MED12L: variants seen among roughly 807,000 people sequenced by gnomAD.
The protein encoded by MED12L is mediator of RNA polymerase II transcription subunit 12-like protein.
In MED12L, 60 loss-of-function variants were observed where a neutral mutation model predicts 281.3. That is an observed-to-expected ratio of 0.21 (90% CI 0.17 to 0.26). The LOEUF (loss-of-function observed/expected upper bound fraction) is 0.26. MED12L is among the 10% of genes least tolerant of loss of function. The pLI is 1.00. For synonymous variants in MED12L, 974 were observed against 987.2 expected, an observed-to-expected ratio of 0.99 and a Z score of 0.25; for missense variants, 2,146 against 2,680.9, an observed-to-expected ratio of 0.80 and a Z score of 4.41.
intron 11 of MED12L, among the ~76,000 whole-genome samples, chr3:151,173,587 A>G (rs894477968): frequency 1.3e-5 from 2 of 152,244 alleles, no homozygotes; most frequent in Non-Finnish European, 2.9e-5. Context: ...ATAGTAAACA[A>G]TATTTTAATT....
At position 151,205,614 on chromosome 3, in the gene MED12L, A is replaced by T. The variant is rs117034205; in HGVS notation, c.2250+11948A>T. On this transcript the variant is annotated intron_variant, in intron 16 of 44. Transcript: ENST00000687756. Reference sequence around the variant, plus strand: ...GGTGGTCACTGCCACAGCCGGGCACAGGTCTGAGGACTTGTTTTTGTTAAA... The same window carrying T: ...GGTGGTCACTGCCACAGCCGGGCACTGGTCTGAGGACTTGTTTTTGTTAAA... Among the ~76,000 whole-genome samples, 3 of 152,310 alleles carry T rather than the reference A, an allele frequency of 2.0e-5. No individual in the cohort carries two copies. The East Asian group carries it at 5.8e-4, about 29-fold the overall frequency.
At chr3:151,314,434 A>C (rs1268657230) in intron 16 of MED12L, among the ~76,000 whole-genome samples, 1 of 152,164 alleles carries the variant, frequency 6.6e-6, no homozygotes, top group African/African-American at 2.4e-5. Context: ...TCTAGTTTTT[A>C]ACAGCAGGGT....
intron 7 of MED12L, 54 bp from the exon 8 acceptor site, chr3:151,159,778 T>G: frequency 6.6e-7 from 1 of 1,512,516 alleles, no homozygotes; most frequent in Non-Finnish European, 8.9e-7. Context: ...AAAATAGTTA[T>G]TTAACCAAGA....
chr3:151,164,206 A>C (rs1279433329), intron 9 of MED12L, among the ~76,000 whole-genome samples, 164 bp downstream of exon 9: 1 of 152,204 alleles, frequency 6.6e-6, no homozygotes, highest in African/African-American at 2.4e-5. Flanking sequence ...CCTCTTCAGA[A>C]CCACTGAAAT....
chr3:151,293,620 G>GACACACCCTCTACCT (rs1744588497), intron 16 of MED12L, among the ~76,000 whole-genome samples: 1 of 24,158 alleles, frequency 4.1e-5, no homozygotes, highest in Non-Finnish European at 8.5e-5. Context: ...CACACACACG[G>GACACACCCTCTACCT]TCCTAAAATG....
chr3:151,132,213 A>G (rs2148821821), intron 5 of MED12L, among the ~76,000 whole-genome samples: 1 of 152,330 alleles, frequency 6.6e-6, no homozygotes, highest in East Asian at 1.9e-4. Context: ...CTACCATCTC[A>G]GAGGGAGCTT....
intron 5 of MED12L, 42 bp from the exon 6 acceptor site, chr3:151,156,119 A>G: frequency 6.7e-7 from 1 of 1,503,736 alleles, no homozygotes; most frequent in Non-Finnish European, 9.0e-7. Context: ...TCTTGTACCC[A>G]TTGTGTCTAG....
intron 5 of MED12L, among the ~76,000 whole-genome samples, chr3:151,140,236 C>G (rs980686075): frequency 2.0e-5 from 3 of 152,168 alleles, no homozygotes; most frequent in Admixed American, 2.0e-4. Context: ...CAAATTTTCC[C>G]TATTTACAGA....
intron 17 of MED12L, 27 bp downstream of exon 17, chr3:151,350,233 C>G: frequency 1.2e-6 from 2 of 1,606,864 alleles, no homozygotes; most frequent in Non-Finnish European, 1.7e-6. Context: ...CATTTGCTCC[C>G]ATTGTGTTGC....
At position 151,314,483 on chromosome 3, in the gene MED12L, G is replaced by T. The variant is rs142223194; in HGVS notation, c.2251-35576G>T. Among the ~76,000 whole-genome samples the T allele has an allele frequency of 9.9e-3, 1,505 of 152,272 alleles. 13 individuals are homozygous for T. The highest frequency in any genetic ancestry group is 0.029 in the Admixed American group (451 of 15,296). ...CTTCTGCTCTTGCCTCCCTGCTTTAGATAGTTACAAGTATAAGAACTGCAG... is the reference window on the plus strand; with the variant it reads ...CTTCTGCTCTTGCCTCCCTGCTTTATATAGTTACAAGTATAAGAACTGCAG... On this transcript the variant is annotated intron_variant, in intron 16 of 44. Transcript: ENST00000687756.
chr3:151,328,172 A>G, intron 16 of MED12L: 1 of 1,613,084 alleles, frequency 6.2e-7, no homozygotes, highest in Non-Finnish European at 8.5e-7. Flanking sequence ...AGCAATAAAC[A>G]GTTGATTTTG....
At chr3:151,104,757 C>T (rs1301971533) in intron 2 of MED12L, among the ~76,000 whole-genome samples, 2 of 152,128 alleles carry the variant, frequency 1.3e-5, no homozygotes, top group East Asian at 1.9e-4. Context: ...ATATGCAGGG[C>T]CATCCTCCCT....
intron 11 of MED12L, among the ~76,000 whole-genome samples, chr3:151,184,894 T>C (rs534507115): frequency 5.9e-5 from 9 of 152,206 alleles, no homozygotes; most frequent in Non-Finnish European, 1.0e-4. Context: ...ACCTGGCTTG[T>C]CAGAATTATT....
At chr3:151,170,514 T>G (rs1396150715) in intron 11 of MED12L, among the ~76,000 whole-genome samples, 1 of 151,972 alleles carries the variant, frequency 6.6e-6, no homozygotes, top group Admixed American at 6.6e-5. Context: ...GACCTCGTGA[T>G]CCACCCACCT....
In MED12L at chr3:151,144,753, C is replaced by T. The variant is rs371603763; in HGVS notation, c.557-11408C>T. Among the ~76,000 whole-genome samples, 17 of 152,206 alleles carry T rather than the reference C, an allele frequency of 1.1e-4. No homozygotes were observed. The East Asian group carries it at 1.7e-3, about 16-fold the overall frequency. On this transcript the variant is annotated intron_variant, in intron 5 of 44. Coordinates refer to ENST00000687756, the MANE Select transcript of MED12L (RefSeq NM_001393769.1). Reference sequence around the variant, plus strand: ...CATATCTTCACCTCTTCACCTCTCTCTTCAGTCTTCCTTCCCTTCCCCACC... The same window carrying T: ...CATATCTTCACCTCTTCACCTCTCTTTTCAGTCTTCCTTCCCTTCCCCACC...
intron 11 of MED12L, among the ~76,000 whole-genome samples, chr3:151,170,558 G>C (rs1051440654): frequency 6.6e-6 from 1 of 152,152 alleles, no homozygotes; most frequent in African/African-American, 2.4e-5. Context: ...ACAGGCGTGA[G>C]CCACTGCACC....
chr3:151,298,002 G>T (rs1170729598), intron 16 of MED12L, among the ~76,000 whole-genome samples: 1 of 151,364 alleles, frequency 6.6e-6, no homozygotes, highest in African/African-American at 2.4e-5. Context: ...TGGTAGTAGA[G>T]ACAAAAAATG....
chr3:151,341,171 A>G (rs966925383), intron 16 of MED12L, among the ~76,000 whole-genome samples: 2 of 152,134 alleles, frequency 1.3e-5, no homozygotes, highest in Admixed American at 1.3e-4. Context: ...GTTAACTCAA[A>G]ATGCGTGCTG....
intron 21 of MED12L, among the ~76,000 whole-genome samples, chr3:151,363,537 C>T (rs1754886684): frequency 6.6e-6 from 1 of 152,168 alleles, no homozygotes; most frequent in Non-Finnish European, 1.5e-5. Context: ...AGCTTTATTT[C>T]TCACATCAAC....
Sources: allele counts gnomAD v4.1 joint callset (sites outside exome capture counted in the v4.1 genomes callset), GRCh38; gene constraint gnomAD v4.1.1; transcripts MANE v1.5; gene names NCBI Gene and HGNC (gene_info 2026-07-23, HGNC 2026-07-21).